ZC3H12B: variants seen among roughly 807,000 people sequenced by gnomAD.
ZC3H12B encodes probable ribonuclease ZC3H12B.
In ZC3H12B, 7 loss-of-function variants were observed where a neutral mutation model predicts 43.9. That is an observed-to-expected ratio of 0.16 (90% CI 0.09 to 0.30). The LOEUF (loss-of-function observed/expected upper bound fraction) is 0.30. Ranked by LOEUF, ZC3H12B falls within the 10% of genes least tolerant of loss-of-function variation. The pLI is 1.00. For synonymous variants in ZC3H12B, 222 were observed against 241.7 expected (o/e 0.92, Z 0.76); for missense variants, 475 against 670.2 (o/e 0.71, Z 3.22).
the ZC3H12B span, among the ~76,000 whole-genome samples, chrX:65,190,285 T>A: frequency 9.0e-6 from 1 of 110,948 alleles, no homozygotes; most frequent in Non-Finnish European, 1.9e-5. Context: ...ATGCGGGCTC[T>A]TTTTTGGTTC....
intron 3 of ZC3H12B, among the ~76,000 whole-genome samples, chrX:65,437,591 T>C (rs2067236775): frequency 8.9e-6 from 1 of 112,432 alleles, no homozygotes; most frequent in Non-Finnish European, 1.9e-5. Context: ...TTTAATTATA[T>C]TTTTAGATTT....
At chrX:65,204,344 C>A in the ZC3H12B span, among the ~76,000 whole-genome samples, 1 of 111,720 alleles carries the variant, frequency 9.0e-6, no homozygotes, top group Non-Finnish European at 1.9e-5. Flanking sequence ...TTATTCTATT[C>A]TTAAATGGGT....
At chrX:65,164,411 G>A in the ZC3H12B span, among the ~76,000 whole-genome samples, 1 of 111,243 alleles carries the variant, frequency 9.0e-6, no homozygotes, top group East Asian at 2.8e-4. Flanking sequence ...TTATAATAAT[G>A]ATAATATCTA....
intron 1 of ZC3H12B, among the ~76,000 whole-genome samples, chrX:65,492,853 G>A (rs1490306117): frequency 8.9e-6 from 1 of 111,785 alleles, no homozygotes; most frequent in Non-Finnish European, 1.9e-5. Flanking sequence ...TGTAATCCTA[G>A]CACTTTGAGA....
chrX:65,196,458 C>A, the ZC3H12B span, among the ~76,000 whole-genome samples: 1 of 110,996 alleles, frequency 9.0e-6, no homozygotes, highest in Non-Finnish European at 1.9e-5. Flanking sequence ...CAGTTATTAG[C>A]GCAACAGAAA....
At chrX:65,440,589 T>G (rs1180798455) in intron 3 of ZC3H12B, among the ~76,000 whole-genome samples, 1 of 112,406 alleles carries the variant, frequency 8.9e-6, no homozygotes, top group Non-Finnish European at 1.9e-5. Flanking sequence ...GGTTGTTTAC[T>G]GCAGGAATTG....
chrX:65,363,769 G>A (rs866223845), upstream of ZC3H12B, among the ~76,000 whole-genome samples: 65 of 110,805 alleles, frequency 5.9e-4, 1 homozygote, highest in Middle Eastern at 4.6e-3. Flanking sequence ...GGCCGCTCCC[G>A]CCCTAATACT....
At chrX:65,406,520 G>C (rs1375246364) in intron 3 of ZC3H12B, among the ~76,000 whole-genome samples, 1 of 101,915 alleles carries the variant, frequency 9.8e-6, no homozygotes, top group Non-Finnish European at 2.0e-5. Flanking sequence ...CATAATAAAA[G>C]CTATATAGGG....
chrX:65,213,839 A>T, the ZC3H12B span, among the ~76,000 whole-genome samples: 1 of 108,762 alleles, frequency 9.2e-6, no homozygotes, highest in African/African-American at 3.4e-5. Context: ...CACTGTATTA[A>T]AGCTAAGGTC....
chrX:65,153,973 T>C, the ZC3H12B span, among the ~76,000 whole-genome samples: 9 of 110,606 alleles, frequency 8.1e-5, no homozygotes, highest in Admixed American at 1.9e-4. Context: ...AGTAAACTAT[T>C]GCAAGGACAA....
At chrX:65,171,627 T>C in the ZC3H12B span, among the ~76,000 whole-genome samples, 3 of 111,712 alleles carry the variant, frequency 2.7e-5, no homozygotes, top group Non-Finnish European at 5.6e-5. Context: ...TCAGCTATGC[T>C]GTGCCCCCAG....
At chrX:65,177,504 T>C in the ZC3H12B span, among the ~76,000 whole-genome samples, 1 of 112,143 alleles carries the variant, frequency 8.9e-6, no homozygotes, top group African/African-American at 3.2e-5. Context: ...TGTTTGCAGA[T>C]GACATGAATG....
the ZC3H12B span, among the ~76,000 whole-genome samples, chrX:65,053,340 G>A: frequency 1.8e-5 from 2 of 110,588 alleles, no homozygotes; most frequent in Non-Finnish European, 3.8e-5. Context: ...TCCCACCTAT[G>A]AGTGAGAACA....
chrX:65,345,962 T>C, the ZC3H12B span, among the ~76,000 whole-genome samples: 8 of 111,248 alleles, frequency 7.2e-5, no homozygotes, highest in African/African-American at 2.6e-4. Context: ...CTAAAAGAAA[T>C]TATTGATGAC....
chrX:65,172,599 CTA>C, the ZC3H12B span, among the ~76,000 whole-genome samples: 1 of 111,873 alleles, frequency 8.9e-6, no homozygotes. Context: ...GTTAATTTTT[CTA>C]TAAGGTGTAA....
At chrX:65,225,454 A>G in the ZC3H12B span, among the ~76,000 whole-genome samples, 1 of 112,506 alleles carries the variant, frequency 8.9e-6, no homozygotes, top group African/African-American at 3.2e-5. Context: ...TGGAAACTCT[A>G]AAAAGCAGAG....
chrX:65,114,865 C>G, the ZC3H12B span, among the ~76,000 whole-genome samples: 1 of 86,724 alleles, frequency 1.2e-5, no homozygotes, highest in Non-Finnish European at 2.2e-5. Flanking sequence ...TTGACTTATT[C>G]AGTTAGTGCT....
chrX:65,241,495 T>C, the ZC3H12B span, among the ~76,000 whole-genome samples: 29 of 111,957 alleles, frequency 2.6e-4, no homozygotes, highest in African/African-American at 9.4e-4. Context: ...GTTCTGTTTG[T>C]ATAATCCTGG....
chrX:65,444,138 T>C (rs904849301), intron 3 of ZC3H12B, among the ~76,000 whole-genome samples: 1 of 112,696 alleles, frequency 8.9e-6, no homozygotes, highest in Non-Finnish European at 1.9e-5. Flanking sequence ...TGTTACATTT[T>C]AATTTTTGCT....
Sources: allele counts gnomAD v4.1 joint callset (sites outside exome capture counted in the v4.1 genomes callset), GRCh38; gene constraint gnomAD v4.1.1; transcripts MANE v1.5; gene names NCBI Gene and HGNC (gene_info 2026-07-23, HGNC 2026-07-21).